The following DIXDC1 variants were observed in gnomAD, a reference collection of about 807,000 sequenced individuals.
DIXDC1 encodes dixin.
DIXDC1 carries 64 observed loss-of-function variants against 103.1 expected under a neutral mutation model. The observed-to-expected ratio is 0.62, with a 90% CI of 0.51 to 0.76. DIXDC1 has a LOEUF of 0.76. Among genes scored for constraint, DIXDC1 ranks in the 30% least tolerant of loss-of-function variants. The probability of loss-of-function intolerance (pLI) is 0.00; values close to 1 mark genes in which losing one functional copy is unlikely to be tolerated. For missense variants in DIXDC1, 759 were observed against 834.2 expected (o/e 0.91, Z 1.11); for synonymous variants, 266 against 298.5 (o/e 0.89, Z 1.12).
intron 1 of DIXDC1, chr11:111,946,919 A>C: frequency 4.9e-6 from 1 of 206,022 alleles, no homozygotes; most frequent in Non-Finnish European, 1.1e-5. Flanking sequence ...CACTGTCCCC[A>C]GAATAAGCAA....
chr11:111,931,707 A>G (rs1366703144), intron 2 of DIXDC1, among the ~76,000 whole-genome samples: 1 of 152,324 alleles, frequency 6.6e-6, no homozygotes, highest in Middle Eastern at 3.4e-3. Context: ...ATTTAAAATA[A>G]TAAATTACCT....
intron 3 of DIXDC1, among the ~76,000 whole-genome samples, chr11:111,970,429 C>T (rs587699053): frequency 6.6e-6 from 1 of 152,226 alleles, no homozygotes; most frequent in Admixed American, 6.5e-5. Context: ...CACAAACAAT[C>T]CCACTTACAA....
Position 111,974,932 on chromosome 11 carries a change from T to G in DIXDC1, c.605T>G (p.Val202Gly). 1 of 1,613,682 alleles carries G rather than the reference T, an allele frequency of 6.2e-7. No individual in the cohort carries two copies. ...ENPYWSVRAL[V>G]QQYEGQQRSP... Reference sequence around the variant, plus strand: ...CCATACTGGAGTGTGCGGGCCCTAGTGCAGCAGTACGAAGGGCAACAAAGG... The same window carrying G: ...CCATACTGGAGTGTGCGGGCCCTAGGGCAGCAGTACGAAGGGCAACAAAGG... The change falls in exon 5 of 20, where the codon GTG becomes GGG. Residue 202 changes from valine (V) to glycine (G), a missense_variant. By Grantham distance (109) the Val-to-Gly change is moderately radical (BLOSUM62 -3). Coordinates refer to ENST00000440460, the MANE Select transcript of DIXDC1 (RefSeq NM_001037954.4).
rs1421965974 is a variant in DIXDC1 at position 111,976,728 on chromosome 11, C to A, written c.656+1745C>A. The stretch of plus-strand genomic sequence containing the variant: ...AAGGATAGCCCCTGGGTGTCTCATT[C>A]CCTGCCACTGCTCCTCCGGAGACGC... On this transcript the variant is annotated intron_variant, in intron 5 of 19. Coordinates refer to ENST00000440460, the MANE Select transcript of DIXDC1 (RefSeq NM_001037954.4). This position sits in a 1 kb window ranked among gnomAD's most constrained non-coding sequence, Gnocchi z 4.3. 6.6e-6 allele frequency among the ~76,000 whole-genome samples: 1 copy of A among 152,178 alleles called. No individual in the cohort carries two copies. The highest frequency in any genetic ancestry group is 1.9e-4 in the East Asian group (1 of 5,190).
At chr11:111,989,336 C>T (rs1860612080) in intron 10 of DIXDC1, among the ~76,000 whole-genome samples, 1 of 151,954 alleles carries the variant, frequency 6.6e-6, no homozygotes, top group African/African-American at 2.4e-5. Flanking sequence ...GAAAGAATGT[C>T]CTCTAGGGCC....
upstream of DIXDC1, among the ~76,000 whole-genome samples, chr11:111,935,192 C>T (rs1966153914): frequency 6.6e-6 from 1 of 152,218 alleles, no homozygotes; most frequent in South Asian, 2.1e-4. Flanking sequence ...GTGCAAAGAG[C>T]ACAGGATCAG....
chr11:111,974,213 C>T lies in DIXDC1; in HGVS notation c.507C>T (p.Asp169=). Residue 169 remains aspartate, a synonymous_variant, in exon 4 of 20, where the codon GAC becomes GAT. Transcript: ENST00000440460. ...AAAALADVCH[D]MSRSGRDVFR... is the part of the protein sequence containing the mutation. ...CTGCTCTGGCCGATGTGTGTCATGA[C>T]ATGTCCCGATCAGGACGGGATGTCT... 2 of 1,613,934 alleles carry T rather than the reference C, an allele frequency of 1.2e-6. No individual in the cohort carries two copies. The highest frequency in any genetic ancestry group is 4.5e-5 in the East Asian group (2 of 44,870).
chr11:111,932,599 A>G (rs1457385344), upstream of DIXDC1, among the ~76,000 whole-genome samples: 1 of 151,766 alleles, frequency 6.6e-6, no homozygotes, highest in Non-Finnish European at 1.5e-5. Context: ...AAAAAAAAAA[A>G]AAAGAAAAAA....
At chr11:111,979,689 G>T (rs1008422437) in intron 5 of DIXDC1, among the ~76,000 whole-genome samples, 2 of 152,196 alleles carry the variant, frequency 1.3e-5, no homozygotes, top group African/African-American at 4.8e-5. Flanking sequence ...GGCCAGGTAC[G>T]GTGGCCCACG....
rs1555168331 is a variant in DIXDC1 at position 111,937,509 on chromosome 11, T to G, written c.10T>G (p.Cys4Gly). 6.3e-7 allele frequency: 1 copy of G among 1,592,528 alleles called. No individual in the cohort carries two copies. The part of the protein sequence containing the change: MLA[C>G]LTRGNLLDVL... ...GCCCCCAGCAGGAACAATGCTAGCC[T>G]GCCTGACCCGAGGGAACTTACTGGA... Residue 4 changes from cysteine to glycine, a missense_variant, in exon 1 of 20, where the codon TGC (cysteine) becomes GGC (glycine). This residue lies in a region of DIXDC1 where 97 missense variants were observed against 85.4 expected (regional missense o/e 1.14). Transcript: ENST00000440460.
At chr11:111,967,226 G>A (rs587748976) in intron 2 of DIXDC1, among the ~76,000 whole-genome samples, 2 of 152,144 alleles carry the variant, frequency 1.3e-5, no homozygotes, top group South Asian at 2.1e-4. Context: ...TCTCTACTTG[G>A]ATGTCTAATA....
chr11:111,934,756 A>T (rs587717793), upstream of DIXDC1, among the ~76,000 whole-genome samples: 1 of 152,316 alleles, frequency 6.6e-6, no homozygotes, highest in East Asian at 1.9e-4. Context: ...CAAAAAAAAA[A>T]ATGGACATTA....
At chr11:112,015,418 T>C (rs1398746943) in intron 17 of DIXDC1, 1 of 152,208 alleles carries the variant, frequency 6.6e-6, no homozygotes, top group Non-Finnish European at 1.5e-5. Flanking sequence ...AGTTTAATTA[T>C]TAATTTTTGA....
chr11:111,956,549 G>A (rs1555170588), intron 1 of DIXDC1, among the ~76,000 whole-genome samples: 3 of 152,130 alleles, frequency 2.0e-5, no homozygotes, highest in Admixed American at 6.5e-5. Context: ...GAGTGCAATG[G>A]CACAGTTTTG....
Position 111,953,402 on chromosome 11 carries a change from C to T in DIXDC1, c.61-11147C>T, listed in dbSNP as rs377387986. 6.7e-4 allele frequency among the ~76,000 whole-genome samples: 102 copies of T among 152,130 alleles called. 1 individual carries two copies. The highest frequency in any genetic ancestry group is 2.2e-3 in the African/African-American group (93 of 41,524). ...CTGTAATCCCAGCACTTTGGGAGGC[C>T]GAGGTGGGCGGATCACCTGAGGTCA... is the stretch of plus-strand genomic sequence containing the variant. On this transcript the variant is annotated intron_variant, in intron 1 of 19. Transcript: ENST00000440460.
chr11:112,005,861 C>T (rs1396281266), intron 17 of DIXDC1, among the ~76,000 whole-genome samples: 5 of 152,094 alleles, frequency 3.3e-5, no homozygotes, highest in African/African-American at 9.7e-5. Context: ...AAACCTGGGC[C>T]GGGTGTGGTG....
At chr11:112,005,666 C>G (rs1861212677) in intron 17 of DIXDC1, among the ~76,000 whole-genome samples, 1 of 152,162 alleles carries the variant, frequency 6.6e-6, no homozygotes. Context: ...CCACTGCACT[C>G]CAGTCTGGGC....
At chr11:111,967,729 C>T (rs1314595824) in intron 2 of DIXDC1, among the ~76,000 whole-genome samples, 3 of 152,374 alleles carry the variant, frequency 2.0e-5, no homozygotes, top group East Asian at 3.9e-4. Context: ...TAAGCCATGG[C>T]ACCCTGCCAG....
At chr11:111,938,326 AT>A (rs1966291716) in intron 1 of DIXDC1, among the ~76,000 whole-genome samples, 1 of 151,972 alleles carries the variant, frequency 6.6e-6, no homozygotes, top group South Asian at 2.1e-4. Context: ...CCCCCTCAAG[AT>A]TTGCTCCATA....
Sources: allele counts gnomAD v4.1 joint callset (sites outside exome capture counted in the v4.1 genomes callset), GRCh38; gene constraint gnomAD v4.1.1; regional missense constraint gnomAD v4.1.1; non-coding constraint Gnocchi (gnomAD v3.1); transcripts MANE v1.5; gene names NCBI Gene and HGNC (gene_info 2026-07-23, HGNC 2026-07-21).